FAT3: variants seen among roughly 807,000 people sequenced by gnomAD.
FAT3 encodes the protein protocadherin Fat 3.
Under a neutral mutation model 310.2 loss-of-function variants are expected in FAT3, and 95 were observed. The ratio of observed to expected loss-of-function variants is 0.31; its 90% CI spans 0.26 to 0.36. The LOEUF (loss-of-function observed/expected upper bound fraction) is 0.36. Ranked by LOEUF, FAT3 falls within the 10% of genes least tolerant of loss-of-function variation. The pLI is 1.00. For synonymous variants in FAT3, 2,314 were observed against 2,192.9 expected, an observed-to-expected ratio of 1.06 and a Z score of -1.54; for missense variants, 5,408 against 5,715.6, an observed-to-expected ratio of 0.95 and a Z score of 1.74.
chr11:92,717,512 T>C (rs1354402353), intron 4 of FAT3, among the ~76,000 whole-genome samples: 1 of 152,222 alleles, frequency 6.6e-6, no homozygotes, highest in Non-Finnish European at 1.5e-5. Flanking sequence ...TTATCCAGAA[T>C]GGCTTTGTCA....
chr11:92,624,785 T>G (rs1941247822), intron 3 of FAT3, among the ~76,000 whole-genome samples: 1 of 152,180 alleles, frequency 6.6e-6, no homozygotes, highest in African/African-American at 2.4e-5. Flanking sequence ...AGCAGAAATT[T>G]GTTGTCTTAC....
chr11:92,482,084 T>G (rs996752307), intron 2 of FAT3, among the ~76,000 whole-genome samples: 5 of 152,166 alleles, frequency 3.3e-5, no homozygotes, highest in African/African-American at 1.2e-4. Context: ...CGTGGTCTTT[T>G]TTTTACTTAA....
intron 3 of FAT3, among the ~76,000 whole-genome samples, chr11:92,656,471 C>G (rs531295128): frequency 6.6e-6 from 1 of 152,292 alleles, no homozygotes; most frequent in South Asian, 2.1e-4. Context: ...TTTTATAATT[C>G]AAGCCACCTG....
intron 21 of FAT3, among the ~76,000 whole-genome samples, chr11:92,862,894 T>C (rs1374713608): frequency 1.3e-5 from 2 of 152,172 alleles, no homozygotes. Flanking sequence ...AATGACTTGC[T>C]CAAAGTGACA....
chr11:92,351,841 T>C (rs897225147), intron 1 of FAT3, among the ~76,000 whole-genome samples: 2 of 152,196 alleles, frequency 1.3e-5, no homozygotes, highest in Admixed American at 6.5e-5. Flanking sequence ...ACGCTGTCAG[T>C]AGTATAAAAG....
At chr11:92,591,578 A>G (rs1405504011) in intron 3 of FAT3, among the ~76,000 whole-genome samples, 1 of 152,152 alleles carries the variant, frequency 6.6e-6, no homozygotes, top group Non-Finnish European at 1.5e-5. Flanking sequence ...TTTACCTGTA[A>G]TGTTTTCTTT....
At position 92,762,181 on chromosome 11, in the gene FAT3, C is replaced by A. The variant is rs2136086791; in HGVS notation, c.3984+11C>A. On this transcript the variant is annotated intron_variant, in intron 5 of 27. Transcript: ENST00000525166. ...TATGACATCCTAACGGTAAGATCTTCCAAACTCCAGCAGCACAGCAGATGG... is the reference window on the plus strand; with the variant it reads ...TATGACATCCTAACGGTAAGATCTTACAAACTCCAGCAGCACAGCAGATGG... 2 of 1,601,610 alleles carry A rather than the reference C, an allele frequency of 1.2e-6. No individual in the cohort carries two copies. Among genetic ancestry groups the A allele is most frequent in the Non-Finnish European group, 1.7e-6 (2 of 1,172,762 alleles).
intron 23 of FAT3, 84 bp downstream of exon 23, chr11:92,880,968 A>C: frequency 4.2e-6 from 6 of 1,422,432 alleles, no homozygotes; most frequent in Non-Finnish European, 5.8e-6. Flanking sequence ...AGGGTAAAAT[A>C]TTTACCACTA....
chr11:92,308,235 CTG>C (rs1208069661), intron 1 of FAT3, among the ~76,000 whole-genome samples: 3 of 152,100 alleles, frequency 2.0e-5, no homozygotes, highest in Non-Finnish European at 2.9e-5. Flanking sequence ...GTTTGATTAT[CTG>C]TGTTTTCAGA....
chr11:92,655,841 T>G (rs1942561999), intron 3 of FAT3, among the ~76,000 whole-genome samples: 1 of 152,206 alleles, frequency 6.6e-6, no homozygotes, highest in Non-Finnish European at 1.5e-5. Context: ...GCTTAGAAGC[T>G]TCTTGAGAGC....
intron 3 of FAT3, among the ~76,000 whole-genome samples, chr11:92,613,413 A>C (rs909929062): frequency 6.6e-6 from 1 of 152,220 alleles, no homozygotes; most frequent in Non-Finnish European, 1.5e-5. Context: ...AAAAAAACTA[A>C]GTTTAAAAAT....
chr11:92,588,351 C>A (rs1339989208), intron 3 of FAT3, among the ~76,000 whole-genome samples: 4 of 151,772 alleles, frequency 2.6e-5, no homozygotes, highest in African/African-American at 9.7e-5. Flanking sequence ...TTCAGTAAGT[C>A]ATGAGTGTGG....
intron 4 of FAT3, among the ~76,000 whole-genome samples, chr11:92,758,011 A>T (rs1454933246): frequency 6.6e-6 from 1 of 152,184 alleles, no homozygotes; most frequent in Admixed American, 6.5e-5. Context: ...CTGACCCCCC[A>T]TGAGTAGAAT....
chr11:92,273,915 A>G (rs1946194458), intron 1 of FAT3, among the ~76,000 whole-genome samples: 1 of 152,162 alleles, frequency 6.6e-6, no homozygotes, highest in Admixed American at 6.6e-5. Context: ...TATTTCTGAT[A>G]TAATAAACCA....
chr11:92,387,238 A>T (rs1949647167), intron 2 of FAT3, among the ~76,000 whole-genome samples: 1 of 152,122 alleles, frequency 6.6e-6, no homozygotes, highest in Non-Finnish European at 1.5e-5. Flanking sequence ...GATTAGGCAG[A>T]GTGAGAGAAC....
At position 92,354,842 on chromosome 11, in the gene FAT3, A is replaced by C; in HGVS notation, c.2730A>C (p.Ala910=). The C allele has an allele frequency of 6.2e-7, 1 of 1,613,946 alleles. No homozygotes were observed. Among genetic ancestry groups the C allele is most frequent in the South Asian group, 1.1e-5 (1 of 91,084 alleles). ...YSLKIEARDK[A]ESGQQLFSVV... is the part of the protein sequence containing the mutation. The stretch of plus-strand genomic sequence containing the variant: ...TGAAAATAGAAGCCAGGGACAAGGC[A>C]GAGAGTGGTCAGCAGCTGTTTTCAG... The change falls in exon 2 of 28, where the codon GCA becomes GCC. Residue 910 remains alanine (A), a synonymous_variant. Coordinates refer to ENST00000525166, the MANE Select transcript of FAT3 (RefSeq NM_001367949.2).
At chr11:92,583,867 G>GTGTTAAATAATTCTCT (rs543241984) in intron 3 of FAT3, among the ~76,000 whole-genome samples, 1 of 152,020 alleles carries the variant, frequency 6.6e-6, no homozygotes, top group Non-Finnish European at 1.5e-5. Context: ...GTTTCACATA[G>GTGTTAAATAATTCTCT]CGTATTAAAA....
At chr11:92,840,507 T>C in intron 17 of FAT3, 55 bp from the exon 18 acceptor site, 2 of 1,419,478 alleles carry the variant, frequency 1.4e-6, no homozygotes, top group South Asian at 1.5e-5. Context: ...TTTTAATGAA[T>C]GTGAAGAGAA....
intron 3 of FAT3, among the ~76,000 whole-genome samples, chr11:92,634,783 A>G (rs570351342): frequency 1.2e-4 from 19 of 152,342 alleles, no homozygotes; most frequent in African/African-American, 4.3e-4. Context: ...CCAAAAATTC[A>G]TATGCTGAAG....
Sources: allele counts gnomAD v4.1 joint callset (sites outside exome capture counted in the v4.1 genomes callset), GRCh38; gene constraint gnomAD v4.1.1; transcripts MANE v1.5; gene names NCBI Gene and HGNC (gene_info 2026-07-23, HGNC 2026-07-21).